The following PGBD5 variants were observed in gnomAD, a reference collection of about 807,000 sequenced individuals.
PGBD5 encodes piggyBac transposable element-derived protein 5.
PGBD5 carries 14 observed loss-of-function variants against 47.9 expected under a neutral mutation model. That is an observed-to-expected ratio of 0.29 (90% CI 0.19 to 0.46). PGBD5 has a LOEUF of 0.46. Among genes scored for constraint, PGBD5 ranks in the 20% least tolerant of loss-of-function variants. PGBD5 has a pLI of 1.00. For missense variants in PGBD5, 635 were observed against 716.0 expected (o/e 0.89, Z 1.29); for synonymous variants, 316 against 306.3 (o/e 1.03, Z -0.33).
chr1:230,422,647 G>C (rs555481742), intron 1 of PGBD5, among the ~76,000 whole-genome samples: 3 of 152,236 alleles, frequency 2.0e-5, no homozygotes, highest in African/African-American at 7.2e-5. Context: ...AGGTGAGAGA[G>C]GAGACAGAAG....
rs199545872 is a variant in PGBD5, at chr1:230,375,652, C to CTTTTTTTT, written c.332-18339_332-18332dup. On this transcript the variant is annotated intron_variant, in intron 1 of 6. Transcript: ENST00000391860. The stretch of plus-strand genomic sequence containing the variant: ...AAGGTCATCTGAGCTTCCTATTTGA[C>CTTTTTTTT]TTTTTTTTTTTTTTTTTTTTTTTTT... Among the ~76,000 whole-genome samples the CTTTTTTTT allele has an allele frequency of 9.9e-4, 105 of 105,652 alleles. 2 individuals are homozygous for CTTTTTTTT. Among genetic ancestry groups the CTTTTTTTT allele is most frequent in the African/African-American group, 4.5e-3 (101 of 22,418 alleles). The allele number at this position is 105,652 out of a possible 152,430, so 69.3% of individuals were successfully genotyped here.
intron 1 of PGBD5, among the ~76,000 whole-genome samples, chr1:230,363,263 C>T (rs1229318541): frequency 1.3e-5 from 2 of 152,124 alleles, no homozygotes; most frequent in East Asian, 1.9e-4. Context: ...GGGACTAATC[C>T]CCACCCTTGC....
intron 3 of PGBD5, among the ~76,000 whole-genome samples, chr1:230,338,661 G>A: frequency 6.6e-6 from 1 of 152,156 alleles, no homozygotes; most frequent in East Asian, 1.9e-4. Flanking sequence ...GTAGCCAGGT[G>A]TGGTGGCAGA....
At position 230,377,350 on chromosome 1, in the gene PGBD5, T is replaced by C. The variant is rs993798243; in HGVS notation, c.332-20029A>G. On this transcript the variant is annotated intron_variant, in intron 1 of 6. Transcript: ENST00000391860. Reference sequence around the variant, plus strand: ...GACTGTCATAGGCACAAAGAAGCAATGGCCATCCAGGTGAAATGCTGACAT... The same window carrying C: ...GACTGTCATAGGCACAAAGAAGCAACGGCCATCCAGGTGAAATGCTGACAT... 27 of 866,006 alleles carry C rather than the reference T, an allele frequency of 3.1e-5. 1 individual carries two copies. The South Asian group carries it at 4.1e-4, about 13-fold the overall frequency. The allele number at this position is 866,006 out of a possible 1,614,324, so 53.6% of individuals were successfully genotyped here. A position where few individuals can be genotyped will look rare whatever the true frequency, so the allele number is the denominator to read the frequency against.
rs116685669 is a variant in PGBD5, at chr1:230,399,829, G to A, written c.331+25769C>T. On this transcript the variant is annotated intron_variant, in intron 1 of 6. Coordinates refer to ENST00000391860, the MANE Select transcript of PGBD5 (RefSeq NM_001258311.2). Reference sequence around the variant, plus strand: ...CTCAGTTCCCACGGTGGAAACACGCGATCCATCAGGGCAGCCAGCTGGTCC... The same window carrying A: ...CTCAGTTCCCACGGTGGAAACACGCAATCCATCAGGGCAGCCAGCTGGTCC... 4.1e-3 allele frequency among the ~76,000 whole-genome samples: 628 copies of A among 152,276 alleles called. 4 individuals carry two copies. Among genetic ancestry groups the A allele is most frequent in the Middle Eastern group, 0.01 (3 of 294 alleles).
At chr1:230,402,800 A>G (rs748697579) in intron 1 of PGBD5, among the ~76,000 whole-genome samples, 4 of 152,188 alleles carry the variant, frequency 2.6e-5, no homozygotes, top group Non-Finnish European at 4.4e-5. Context: ...CAACATTTTA[A>G]TATGTCTCAA....
At position 230,345,399 on chromosome 1, in the gene PGBD5, C is replaced by T. The variant is rs537844019; in HGVS notation, c.894+5559G>A. Among the ~76,000 whole-genome samples the T allele has an allele frequency of 7.0e-4, 106 of 152,346 alleles. 1 individual carries two copies. The highest frequency in any genetic ancestry group is 1.4e-3 in the Admixed American group (22 of 15,306). On this transcript the variant is annotated intron_variant, in intron 3 of 6. Coordinates refer to ENST00000391860, the MANE Select transcript of PGBD5 (RefSeq NM_001258311.2). Reference sequence around the variant, plus strand: ...TGGAAGAGTCATCATCTGTATAAATCTCTCCTTTTTCTCCTCCTTGGCTCA... The same window carrying T: ...TGGAAGAGTCATCATCTGTATAAATTTCTCCTTTTTCTCCTCCTTGGCTCA...
chr1:230,378,925 T>A (rs1180956429), intron 1 of PGBD5, among the ~76,000 whole-genome samples: 2 of 152,104 alleles, frequency 1.3e-5, no homozygotes, highest in African/African-American at 4.8e-5. Flanking sequence ...CAAGGTGATG[T>A]ATGTACAAGG....
intron 1 of PGBD5, among the ~76,000 whole-genome samples, chr1:230,366,891 A>G (rs781191713): frequency 3.9e-5 from 6 of 152,242 alleles, no homozygotes; most frequent in Middle Eastern, 3.4e-3. Context: ...ACCACAGTTT[A>G]TATTTCATTT....
intron 1 of PGBD5, among the ~76,000 whole-genome samples, chr1:230,420,955 G>C (rs550998996): frequency 1.8e-3 from 275 of 152,288 alleles, no homozygotes; most frequent in African/African-American, 6.3e-3. Context: ...TGAAGCGGGA[G>C]GATCACTTGG....
At chr1:230,423,629 C>G (rs2102757993) in intron 1 of PGBD5, among the ~76,000 whole-genome samples, 1 of 152,264 alleles carries the variant, frequency 6.6e-6, no homozygotes, top group East Asian at 1.9e-4. Flanking sequence ...GTTTAACAAG[C>G]CATCAACCTC....
intron 1 of PGBD5, among the ~76,000 whole-genome samples, chr1:230,420,608 C>T (rs71654325): frequency 3.3e-5 from 5 of 152,060 alleles, no homozygotes; most frequent in African/African-American, 4.8e-5. Flanking sequence ...TCTGGCATTT[C>T]CCCTGCTGGC....
intron 1 of PGBD5, among the ~76,000 whole-genome samples, chr1:230,393,193 A>G (rs1571855266): frequency 9.3e-6 from 1 of 107,722 alleles, no homozygotes. Flanking sequence ...GGGGGGGAGG[A>G]GGGAGGAGGC....
chr1:230,395,765 T>C (rs1040736014), intron 1 of PGBD5, among the ~76,000 whole-genome samples: 5 of 486 alleles, frequency 0.01, no homozygotes, highest in Admixed American at 0.036. Context: ...CCCACCCTCC[T>C]CCCCCCTCCT....
At chr1:230,345,148 G>A (rs1479966190) in intron 3 of PGBD5, among the ~76,000 whole-genome samples, 1 of 152,126 alleles carries the variant, frequency 6.6e-6, no homozygotes, top group Admixed American at 6.5e-5. Context: ...GAATCTTGGG[G>A]TTCCATTAAT....
At chr1:230,407,692 C>A (rs962530105) in intron 1 of PGBD5, among the ~76,000 whole-genome samples, 2 of 152,142 alleles carry the variant, frequency 1.3e-5, no homozygotes, top group African/African-American at 4.8e-5. Context: ...AAAAAAAAAT[C>A]TGAGATGCAG....
intron 1 of PGBD5, among the ~76,000 whole-genome samples, chr1:230,419,464 C>T (rs537184863): frequency 1.4e-4 from 22 of 152,240 alleles, no homozygotes; most frequent in Admixed American, 2.6e-4. Context: ...CTCTGCTCAC[C>T]ACAGGGTGAT....
intron 3 of PGBD5, among the ~76,000 whole-genome samples, chr1:230,344,629 G>A (rs1311799752): frequency 2.6e-5 from 4 of 152,204 alleles, no homozygotes; most frequent in Admixed American, 2.0e-4. Flanking sequence ...CAGGGCACAC[G>A]GACCTCATTC....
At chr1:230,417,857 GAATT>G (rs1657553385) in intron 1 of PGBD5, among the ~76,000 whole-genome samples, 1 of 152,198 alleles carries the variant, frequency 6.6e-6, no homozygotes. Context: ...TGTGCTGGCT[GAATT>G]AATAGGAGGC....
Sources: gnomAD v4.1 joint callset for allele counts (sites outside exome capture counted in the v4.1 genomes callset) on GRCh38, gnomAD v4.1.1 for gene constraint, MANE v1.5 for transcripts, NCBI Gene and HGNC (gene_info 2026-07-23, HGNC 2026-07-21) for gene names.